Variants in TMEM132B observed in about 807,000 individuals in gnomAD.
TMEM132B encodes transmembrane protein 132B.
TMEM132B carries 18 observed loss-of-function variants against 90.8 expected under a neutral mutation model. That is an observed-to-expected ratio of 0.20 (90% CI 0.14 to 0.29). The LOEUF (loss-of-function observed/expected upper bound fraction) is 0.29, where lower values mean the gene tolerates loss of function less well. TMEM132B is among the 10% of genes least tolerant of loss of function. The probability of loss-of-function intolerance (pLI) is 1.00; values close to 1 mark genes in which losing one functional copy is unlikely to be tolerated. For synonymous variants in TMEM132B, 504 were observed against 523.3 expected (o/e 0.96, Z 0.50); for missense variants, 1,096 against 1,326.8 (o/e 0.83, Z 2.70).
chr12:125,317,237 G>A (rs1239759814), intron 1 of TMEM132B, among the ~76,000 whole-genome samples: 1 of 152,156 alleles, frequency 6.6e-6, no homozygotes, highest in African/African-American at 2.4e-5. Flanking sequence ...GGATTAGCAT[G>A]GGTTGGTATA....
At chr12:125,320,762 G>T (rs914144868) in intron 1 of TMEM132B, among the ~76,000 whole-genome samples, 1 of 152,212 alleles carries the variant, frequency 6.6e-6, no homozygotes, top group Non-Finnish European at 1.5e-5. Flanking sequence ...ATGCACTGGG[G>T]TCAGGCTGGT....
chr12:125,303,088 T>C (rs1875872073), intron 1 of TMEM132B, among the ~76,000 whole-genome samples: 1 of 151,990 alleles, frequency 6.6e-6, no homozygotes, highest in Non-Finnish European at 1.5e-5. Flanking sequence ...AGAGCGAGAC[T>C]CTGCATATTA....
rs575391374 is a variant in TMEM132B, at chr12:125,636,146, T to C, written c.1438-7930T>C. Among the ~76,000 whole-genome samples the C allele has an allele frequency of 2.0e-5, 3 of 152,232 alleles. No homozygotes were observed. The South Asian group carries it at 6.2e-4, about 32-fold the overall frequency. On this transcript the variant is annotated intron_variant, in intron 5 of 8. Coordinates refer to ENST00000682704, the MANE Select transcript of TMEM132B (RefSeq NM_001366854.1). ...CCCTGAGTTTTGGTTCCCATGAAGGTGCTTTTTTGGTGTGTAGATAGTTGT... is the reference window on the plus strand; with the variant it reads ...CCCTGAGTTTTGGTTCCCATGAAGGCGCTTTTTTGGTGTGTAGATAGTTGT...
chr12:125,558,154 A>T (rs1252159978), intron 4 of TMEM132B, among the ~76,000 whole-genome samples: 1 of 152,162 alleles, frequency 6.6e-6, no homozygotes, highest in Non-Finnish European at 1.5e-5. Flanking sequence ...TGCCTTTCTC[A>T]GTGCTCTGAA....
At chr12:125,194,467 C>A (rs79050480) in intron 1 of TMEM132B, among the ~76,000 whole-genome samples, 1 of 152,156 alleles carries the variant, frequency 6.6e-6, no homozygotes, top group Non-Finnish European at 1.5e-5. Context: ...GTGACTCCCC[C>A]GGGCCTTCCA....
chr12:125,244,583 T>A (rs1874166929), intron 1 of TMEM132B, among the ~76,000 whole-genome samples: 1 of 152,202 alleles, frequency 6.6e-6, no homozygotes, highest in Non-Finnish European at 1.5e-5. Context: ...CCAAGGGAAC[T>A]GAAGGTGGGT....
chr12:125,258,918 C>G (rs972822687), intron 1 of TMEM132B, among the ~76,000 whole-genome samples: 4 of 152,114 alleles, frequency 2.6e-5, no homozygotes, highest in African/African-American at 9.7e-5. Context: ...TTGGAAAGAT[C>G]CAGAGAAAGA....
chr12:125,521,040 A>G (rs1883294458), intron 4 of TMEM132B, among the ~76,000 whole-genome samples: 1 of 152,214 alleles, frequency 6.6e-6, no homozygotes, highest in Admixed American at 6.5e-5. Flanking sequence ...ATGAAACTGC[A>G]TCCCTTGTGC....
intron 4 of TMEM132B, among the ~76,000 whole-genome samples, chr12:125,541,107 G>A (rs1385288944): frequency 5.3e-5 from 8 of 152,252 alleles, no homozygotes; most frequent in East Asian, 1.9e-4. Flanking sequence ...TGGTAAGAGC[G>A]GCCTTCCCTG....
chr12:125,207,426 G>A (rs1401212901), intron 1 of TMEM132B, among the ~76,000 whole-genome samples: 1 of 152,200 alleles, frequency 6.6e-6, no homozygotes, highest in Non-Finnish European at 1.5e-5. Flanking sequence ...CCTGTTGGAA[G>A]CCTCCAGACC....
intron 3 of TMEM132B, among the ~76,000 whole-genome samples, chr12:125,446,008 A>G (rs1880998088): frequency 6.6e-6 from 1 of 152,126 alleles, no homozygotes; most frequent in Admixed American, 6.5e-5. Context: ...GCTTTCTCCA[A>G]CAAAGTCTGA....
rs146311837 is a variant in TMEM132B at position 125,415,758 on chromosome 12, G to C, written c.1106+81G>C. On this transcript the variant is annotated intron_variant, in intron 3 of 8. Coordinates refer to ENST00000682704, the MANE Select transcript of TMEM132B (RefSeq NM_001366854.1). This position sits in a 1 kb window ranked among gnomAD's most constrained non-coding sequence, Gnocchi z 5.3. Reference sequence around the variant, plus strand: ...CAGAGCTGATAGCAAAATAATGTGCGTGTGGATAAAGCGATGCCTCTGCGT... The same window carrying C: ...CAGAGCTGATAGCAAAATAATGTGCCTGTGGATAAAGCGATGCCTCTGCGT... 2 of 1,540,904 alleles carry C rather than the reference G, an allele frequency of 1.3e-6. No homozygotes were observed. Among genetic ancestry groups the C allele is most frequent in the African/African-American group, 1.4e-5 (1 of 72,904 alleles).
At chr12:125,622,718 T>G in intron 5 of TMEM132B, 1 of 937,238 alleles carries the variant, frequency 1.1e-6, no homozygotes. Flanking sequence ...TCCAGAAACC[T>G]TTTTTCTGCT....
intron 5 of TMEM132B, among the ~76,000 whole-genome samples, chr12:125,635,115 T>C (rs1886450951): frequency 6.6e-6 from 1 of 152,186 alleles, no homozygotes; most frequent in East Asian, 1.9e-4. Flanking sequence ...GGATTGGAGA[T>C]TCCTCTCTGC....
chr12:125,561,791 C>T (rs977020806), intron 4 of TMEM132B, among the ~76,000 whole-genome samples: 6 of 151,904 alleles, frequency 3.9e-5, no homozygotes, highest in African/African-American at 1.5e-4. Flanking sequence ...GGCTATCATC[C>T]GGGCTTTGTT....
intron 4 of TMEM132B, among the ~76,000 whole-genome samples, chr12:125,573,870 G>A (rs1187748169): frequency 6.6e-6 from 1 of 152,120 alleles, no homozygotes; most frequent in Non-Finnish European, 1.5e-5. Context: ...TTTATTTAAT[G>A]CCATCCTTAT....
At chr12:125,557,468 T>G (rs1450411798) in intron 4 of TMEM132B, among the ~76,000 whole-genome samples, 1 of 152,202 alleles carries the variant, frequency 6.6e-6, no homozygotes, top group Non-Finnish European at 1.5e-5. Context: ...TTACATATCA[T>G]CTGGGTCAAT....
intron 4 of TMEM132B, among the ~76,000 whole-genome samples, chr12:125,538,422 G>A (rs1448867233): frequency 1.3e-5 from 2 of 152,156 alleles, no homozygotes; most frequent in Non-Finnish European, 2.9e-5. Context: ...TCTCACACAA[G>A]ACACACAGAC....
At chr12:125,280,990 A>C (rs189807055) in intron 1 of TMEM132B, among the ~76,000 whole-genome samples, 1 of 152,198 alleles carries the variant, frequency 6.6e-6, no homozygotes, top group African/African-American at 2.4e-5. Context: ...CAACAATTCA[A>C]TTAGAAAGCG....
Sources: gnomAD v4.1 joint callset for allele counts (sites outside exome capture counted in the v4.1 genomes callset) on GRCh38, gnomAD v4.1.1 for gene constraint, Gnocchi (gnomAD v3.1) non-coding constraint, MANE v1.5 for transcripts, NCBI Gene and HGNC (gene_info 2026-07-23, HGNC 2026-07-21) for gene names.